The following KANK1 variants were observed in gnomAD, a reference collection of about 807,000 sequenced individuals.
The protein encoded by KANK1 is KN motif and ankyrin repeat domains 1, also known as KN motif and ankyrin repeat domain-containing protein 1.
KANK1 carries 109 observed loss-of-function variants against 106.2 expected under a neutral mutation model. That is an observed-to-expected ratio of 1.03 (90% CI 0.88 to 1.20). The LOEUF (loss-of-function observed/expected upper bound fraction) is 1.20, where lower values mean the gene tolerates loss of function less well. Among genes scored for constraint, KANK1 ranks in the 50% most tolerant of loss-of-function variants. KANK1 has a pLI of 0.00. For synonymous variants in KANK1, 873 were observed against 652.2 expected (o/e 1.34, Z -5.16); for missense variants, 2,399 against 1,710.7 (o/e 1.40, Z -7.10).
At chr9:624,574 TG>T (rs1833906644) in intron 1 of KANK1, among the ~76,000 whole-genome samples, 1 of 151,922 alleles carries the variant, frequency 6.6e-6, no homozygotes, top group African/African-American at 2.4e-5. Context: ...GAGGCTGAGG[TG>T]GGTGATCACT....
chr9:537,310 T>C (rs1386293561), intron 1 of KANK1, among the ~76,000 whole-genome samples: 1 of 152,174 alleles, frequency 6.6e-6, no homozygotes. Flanking sequence ...TCCTCTCCAC[T>C]TGACACTTGG....
chr9:693,115 A>C (rs1820377276), intron 2 of KANK1, among the ~76,000 whole-genome samples: 1 of 152,184 alleles, frequency 6.6e-6, no homozygotes, highest in Non-Finnish European at 1.5e-5. Context: ...TTATGAATAA[A>C]ATGTTTAAGA....
At chr9:518,718 C>G (rs2059410097) in intron 1 of KANK1, among the ~76,000 whole-genome samples, 1 of 151,378 alleles carries the variant, frequency 6.6e-6, no homozygotes, top group Non-Finnish European at 1.5e-5. Context: ...ACCTTGTTTA[C>G]TTTAGGCTAG....
chr9:706,687 A>T, intron 2 of KANK1: 1 of 673,874 alleles, frequency 1.5e-6, no homozygotes, highest in Non-Finnish European at 1.8e-6. Context: ...AGTTGAAATT[A>T]ATGATAAAGG....
chr9:648,938 G>C (rs535426205), intron 1 of KANK1, among the ~76,000 whole-genome samples: 1 of 152,212 alleles, frequency 6.6e-6, no homozygotes, highest in East Asian at 1.9e-4. Context: ...GCAGTTCCTG[G>C]GAGAATGTTT....
At chr9:729,942 C>A in intron 3 of KANK1, 109 bp from the exon 4 acceptor site, 3 of 943,942 alleles carry the variant, frequency 3.2e-6, no homozygotes, top group Non-Finnish European at 4.7e-6. Context: ...GTTTTGGTGG[C>A]TGGGATAATA....
chr9:518,455 G>A lies in KANK1; in HGVS notation c.-84+13701G>A, dbSNP rs185295520. ...TCCTGGCTTTTTACCTATACTTTTCGGCCAGACACTTCAAGGGGATCTGAT... is the reference window on the plus strand; with the variant it reads ...TCCTGGCTTTTTACCTATACTTTTCAGCCAGACACTTCAAGGGGATCTGAT... On this transcript the variant is annotated intron_variant, in intron 1 of 11. Transcript: ENST00000382297. Among the ~76,000 whole-genome samples the A allele has an allele frequency of 3.3e-3, 503 of 151,642 alleles. 2 individuals carry two copies. The highest frequency in any genetic ancestry group is 0.01 in the Middle Eastern group (3 of 294).
rs936740940 is a variant in KANK1 at position 505,539 on chromosome 9, T to G, written c.-84+785T>G. ...CAGTGGCGCTCGCGGCAGCCACGGCTCCTTGACCGTTCATCTCCTTCACCC... is the reference window on the plus strand; with the variant it reads ...CAGTGGCGCTCGCGGCAGCCACGGCGCCTTGACCGTTCATCTCCTTCACCC... On this transcript the variant is annotated intron_variant, in intron 1 of 11. Transcript: ENST00000382297. 7.9e-5 allele frequency among the ~76,000 whole-genome samples: 12 copies of G among 152,284 alleles called. No individual in the cohort carries two copies. The East Asian group carries it at 2.3e-3, about 30-fold the overall frequency.
intron 1 of KANK1, among the ~76,000 whole-genome samples, chr9:648,670 G>A (rs1393278919): frequency 1.3e-5 from 2 of 152,170 alleles, no homozygotes; most frequent in Non-Finnish European, 2.9e-5. Flanking sequence ...TTGCAGAATC[G>A]CAGGCCAAGG....
chr9:623,367 A>G (rs1833604784), intron 1 of KANK1, among the ~76,000 whole-genome samples: 1 of 152,048 alleles, frequency 6.6e-6, no homozygotes, highest in African/African-American at 2.4e-5. Context: ...AGGCAGGTGG[A>G]TTGCTTGAGT....
rs572182333 is a variant in KANK1 at position 601,366 on chromosome 9, G to T, written c.-83-75524G>T. Reference sequence around the variant, plus strand: ...CATGATCCAATCCAAGATCCACATTGTATTGAGTAGTTCTGACTCTTTAAA... The same window carrying T: ...CATGATCCAATCCAAGATCCACATTTTATTGAGTAGTTCTGACTCTTTAAA... On this transcript the variant is annotated intron_variant, in intron 1 of 11. Coordinates refer to ENST00000382297, the MANE Select transcript of KANK1 (RefSeq NM_015158.5). Among the ~76,000 whole-genome samples, 17 of 151,906 alleles carry T rather than the reference G, an allele frequency of 1.1e-4. 1 individual carries two copies. Among genetic ancestry groups the T allele is most frequent in the Admixed American group, 4.6e-4 (7 of 15,288 alleles).
chr9:541,849 G>A (rs1239612253), intron 1 of KANK1, among the ~76,000 whole-genome samples: 1 of 152,150 alleles, frequency 6.6e-6, no homozygotes, highest in African/African-American at 2.4e-5. Flanking sequence ...CAGCACTTTG[G>A]GAGGTCGAGG....
chr9:564,561 G>A (rs1205111383), intron 1 of KANK1, among the ~76,000 whole-genome samples: 1 of 152,176 alleles, frequency 6.6e-6, no homozygotes, highest in African/African-American at 2.4e-5. Flanking sequence ...AATGTTGAGA[G>A]ATGAAAAGTA....
chr9:517,252 C>A (rs1374063004), intron 1 of KANK1, among the ~76,000 whole-genome samples: 1 of 151,648 alleles, frequency 6.6e-6, no homozygotes, highest in East Asian at 1.9e-4. Context: ...TACAGGCATG[C>A]ACCACCATGC....
chr9:687,901 GTCA>G (rs1386928285), intron 2 of KANK1, among the ~76,000 whole-genome samples: 3 of 152,194 alleles, frequency 2.0e-5, no homozygotes, highest in Admixed American at 2.0e-4. Context: ...CAAGAATCAT[GTCA>G]TCTTCTTCGT....
chr9:592,815 G>C (rs1825300587), intron 1 of KANK1, among the ~76,000 whole-genome samples: 1 of 151,812 alleles, frequency 6.6e-6, no homozygotes, highest in African/African-American at 2.4e-5. Flanking sequence ...TCAAAGTATA[G>C]TCCTTAAGCA....
At position 568,365 on chromosome 9, in the gene KANK1, A is replaced by G. The variant is rs372516700; in HGVS notation, c.-84+63611A>G. 4.5e-4 allele frequency among the ~76,000 whole-genome samples: 68 copies of G among 152,380 alleles called. No homozygotes were observed. In the South Asian group the frequency reaches 0.013, roughly 30 times the overall value. ...CTTCATAAACATGTTTAAGATATGT[A>G]TCATAATTTAACAAATTATTAAGTT... On this transcript the variant is annotated intron_variant, in intron 1 of 11. Coordinates refer to ENST00000382297, the MANE Select transcript of KANK1 (RefSeq NM_015158.5).
At chr9:679,146 C>A (rs1179889031) in intron 2 of KANK1, among the ~76,000 whole-genome samples, 2 of 152,152 alleles carry the variant, frequency 1.3e-5, no homozygotes, top group African/African-American at 4.8e-5. Context: ...CGATTTGTGA[C>A]TTTCAGGGTG....
At chr9:693,954 T>C (rs1820599608) in intron 2 of KANK1, among the ~76,000 whole-genome samples, 1 of 152,194 alleles carries the variant, frequency 6.6e-6, no homozygotes, top group South Asian at 2.1e-4. Flanking sequence ...AAATTTCAGC[T>C]TTACCTATGG....
Sources: gnomAD v4.1 joint callset for allele counts (sites outside exome capture counted in the v4.1 genomes callset) on GRCh38, gnomAD v4.1.1 for gene constraint, MANE v1.5 for transcripts, NCBI Gene and HGNC (gene_info 2026-07-23, HGNC 2026-07-21) for gene names.